The following SETD3 variants were observed in gnomAD, a reference collection of about 807,000 sequenced individuals.
SETD3 encodes the protein actin-histidine N-methyltransferase.
In SETD3, 19 loss-of-function variants were observed where a neutral mutation model predicts 63.0. The ratio of observed to expected loss-of-function variants is 0.30; its 90% CI spans 0.21 to 0.44. The LOEUF is 0.44. Among genes scored for constraint, SETD3 ranks in the 20% least tolerant of loss-of-function variants. SETD3 has a pLI of 1.00. For missense variants in SETD3, 587 were observed against 728.5 expected (o/e 0.81, Z 2.24); for synonymous variants, 286 against 264.1 (o/e 1.08, Z -0.80).
chr14:99,432,392 A>C (rs1485695195), intron 6 of SETD3, among the ~76,000 whole-genome samples: 1 of 152,246 alleles, frequency 6.6e-6, no homozygotes, highest in Non-Finnish European at 1.5e-5. Context: ...AAAATGCTAA[A>C]TCAAGTTCTT....
intron 7 of SETD3, 106 bp from the exon 8 acceptor site, chr14:99,413,171 A>G: frequency 1.6e-6 from 1 of 639,380 alleles, no homozygotes; most frequent in Non-Finnish European, 2.8e-6. Flanking sequence ...AAACGTACAA[A>G]GTCTTTTCCT....
rs1014049327 is a variant in SETD3 at position 99,398,905 on chromosome 14, G to C, written c.1559C>G (p.Pro520Arg). ...LESSVGDSRL[P>R]LVLRNLEEEA... Reference sequence around the variant, plus strand: ...CTCCTCGAGGTTTCTCAAGACCAGGGGGAGCCTCGAGTCCCCCACGCTGCT... The same window carrying C: ...CTCCTCGAGGTTTCTCAAGACCAGGCGGAGCCTCGAGTCCCCCACGCTGCT... Residue 520 changes from proline to arginine, a missense_variant, in exon 13 of 13, where the codon CCC (proline) becomes CGC (arginine). Transcript: ENST00000331768. The C allele has an allele frequency of 6.2e-7, 1 of 1,614,068 alleles. No homozygotes were observed. The highest frequency in any genetic ancestry group is 8.5e-7 in the Non-Finnish European group (1 of 1,179,946).
At chr14:99,412,731 T>G (rs1453153878) in intron 8 of SETD3, 1 of 466,678 alleles carries the variant, frequency 2.1e-6, no homozygotes, top group African/African-American at 2.0e-5. Context: ...TGGTATAAGA[T>G]TCAAGCTCCC....
At chr14:99,440,703 G>A (rs1293542366) in intron 6 of SETD3, among the ~76,000 whole-genome samples, 2 of 151,884 alleles carry the variant, frequency 1.3e-5, no homozygotes, top group Admixed American at 1.3e-4. Context: ...GCATCTGTGG[G>A]GAGGTAAGAG....
At chr14:99,480,081 G>A (rs1342341226) in intron 1 of SETD3, among the ~76,000 whole-genome samples, 1 of 152,266 alleles carries the variant, frequency 6.6e-6, no homozygotes, top group Admixed American at 6.5e-5. Flanking sequence ...GTGGAGCACG[G>A]CCAGGGGCGC....
At chr14:99,470,691 G>A (rs900383732) in intron 1 of SETD3, among the ~76,000 whole-genome samples, 3 of 152,142 alleles carry the variant, frequency 2.0e-5, no homozygotes, top group East Asian at 3.9e-4. Context: ...AGTGTTTCTC[G>A]GTACCAGTTC....
Position 99,405,240 on chromosome 14 carries a change from C to A in SETD3, c.1056G>T (p.Met352Ile), listed in dbSNP as rs1380133569. 3.1e-6 allele frequency: 5 copies of A among 1,613,880 alleles called. No homozygotes were observed. The South Asian group carries it at 5.5e-5, about 18-fold the overall frequency. Residue 352 changes from methionine to isoleucine, a missense_variant, in exon 10 of 13, where the codon ATG (methionine) becomes ATT (isoleucine). Met to Ile is a conservative substitution (Grantham distance 10, BLOSUM62 1). Transcript: ENST00000331768. ...GVSKSDRLYA[M>I]KAEVLARAGI... ...CGGCACGAGCCAAGACCTCGGCCTTCATGGCGTAGAGTCTGTCACTTTTAC... is the reference window on the plus strand; with the variant it reads ...CGGCACGAGCCAAGACCTCGGCCTTAATGGCGTAGAGTCTGTCACTTTTAC...
intron 6 of SETD3, among the ~76,000 whole-genome samples, chr14:99,431,298 C>A (rs145013166): frequency 6.6e-6 from 1 of 152,338 alleles, no homozygotes; most frequent in African/African-American, 2.4e-5. Flanking sequence ...TGATTGGCAA[C>A]CCCATTACCA....
At chr14:99,418,167 T>C (rs1002780198) in intron 6 of SETD3, among the ~76,000 whole-genome samples, 2 of 152,208 alleles carry the variant, frequency 1.3e-5, no homozygotes, top group East Asian at 3.8e-4. Context: ...AATATATTTA[T>C]GGAAGAATTC....
At chr14:99,407,514 T>C (rs187668633) in intron 8 of SETD3, among the ~76,000 whole-genome samples, 5 of 152,334 alleles carry the variant, frequency 3.3e-5, no homozygotes, top group East Asian at 1.9e-4. Flanking sequence ...TTGCTAATTG[T>C]ACGATGTCAC....
chr14:99,479,094 A>G (rs928029528), intron 1 of SETD3, among the ~76,000 whole-genome samples: 5 of 151,126 alleles, frequency 3.3e-5, no homozygotes, highest in Admixed American at 2.0e-4. Flanking sequence ...CAATTCCAGG[A>G]AAAAAAAGCA....
In SETD3 at chr14:99,398,009, A is replaced by C. The variant is rs1891182412; in HGVS notation, c.*670T>G. 6.6e-6 allele frequency: 1 copy of C among 152,650 alleles called. No individual in the cohort carries two copies. Among genetic ancestry groups the C allele is most frequent in the African/African-American group, 2.4e-5 (1 of 41,454 alleles). 9.5% of individuals were successfully genotyped at this position (152,650 alleles called of 1,614,324 possible). On this transcript the variant is annotated 3_prime_UTR_variant, in exon 13 of 13. Transcript: ENST00000331768. ...ATTCAAGGAGAAAGGACAAGTTCTT[A>C]GTACAGTAAAACAAAACACAAAAGT...
chr14:99,477,829 T>G (rs1896053557), intron 1 of SETD3, among the ~76,000 whole-genome samples: 1 of 151,564 alleles, frequency 6.6e-6, no homozygotes. Flanking sequence ...GATAGAAATT[T>G]TTTACCTTGA....
chr14:99,449,752 T>C (rs1421115397), intron 6 of SETD3, among the ~76,000 whole-genome samples: 1 of 152,272 alleles, frequency 6.6e-6, no homozygotes, highest in Non-Finnish European at 1.5e-5. Flanking sequence ...CGTACCACGG[T>C]TGACTTCCTG....
chr14:99,450,834 T>C (rs1032786830), intron 6 of SETD3, among the ~76,000 whole-genome samples: 1 of 152,228 alleles, frequency 6.6e-6, no homozygotes, highest in African/African-American at 2.4e-5. Flanking sequence ...GATATGTCTC[T>C]ATTCCGTTAA....
At chr14:99,426,091 G>A (rs1199281530) in intron 6 of SETD3, among the ~76,000 whole-genome samples, 1 of 152,038 alleles carries the variant, frequency 6.6e-6, no homozygotes, top group African/African-American at 2.4e-5. Flanking sequence ...TTCCAGACTG[G>A]AATAATAATC....
intron 1 of SETD3, 77 bp from the exon 2 acceptor site, chr14:99,465,890 C>A (rs2139794983): frequency 5.7e-6 from 5 of 880,770 alleles, no homozygotes; most frequent in African/African-American, 3.3e-5. Flanking sequence ...ATGTCCAACA[C>A]ATGGCAGTGT....
intron 6 of SETD3, among the ~76,000 whole-genome samples, chr14:99,454,146 A>C (rs923774654): frequency 1.3e-5 from 2 of 152,216 alleles, no homozygotes; most frequent in African/African-American, 4.8e-5. Flanking sequence ...TAAGATTTAA[A>C]AACACAAGTC....
At chr14:99,401,751 G>T (rs1891399654) in intron 11 of SETD3, among the ~76,000 whole-genome samples, 1 of 152,112 alleles carries the variant, frequency 6.6e-6, no homozygotes, top group Non-Finnish European at 1.5e-5. Context: ...GTGGCTGAAA[G>T]TTCTTTTCAA....
Sources: gnomAD v4.1 joint callset for allele counts (sites outside exome capture counted in the v4.1 genomes callset) on GRCh38, gnomAD v4.1.1 for gene constraint, MANE v1.5 for transcripts, NCBI Gene and HGNC (gene_info 2026-07-23, HGNC 2026-07-21) for gene names.